CDK12: variants seen among roughly 807,000 people sequenced by gnomAD.
CDK12 encodes cyclin-dependent kinase 12.
Under a neutral mutation model 133.8 loss-of-function variants are expected in CDK12, and 17 were observed. That is an observed-to-expected ratio of 0.13 (90% CI 0.09 to 0.19). The LOEUF (loss-of-function observed/expected upper bound fraction) is 0.19, where lower values mean the gene tolerates loss of function less well. Ranked by LOEUF, CDK12 falls within the 10% of genes least tolerant of loss-of-function variation. The pLI is 1.00. For missense variants in CDK12, 1,508 were observed against 1,818.7 expected (o/e 0.83, Z 3.11); for synonymous variants, 694 against 683.6 (o/e 1.02, Z -0.24).
rs1046426407 is a variant in CDK12 at position 39,524,921 on chromosome 17, A to G, written c.3307+36A>G. The G allele has an allele frequency of 3.8e-6, 6 of 1,563,660 alleles. No individual in the cohort carries two copies. The African/African-American group carries it at 5.5e-5, about 14-fold the overall frequency. ...GAATGGGGCCTTTGTGCTTTTGCTA[A>G]GCGTATTTGGCAGGTTTTGAAGGTC... is the stretch of plus-strand genomic sequence containing the variant. On this transcript the variant is annotated intron_variant, in intron 12 of 13. Coordinates refer to ENST00000447079, the MANE Select transcript of CDK12 (RefSeq NM_016507.4).
chr17:39,507,993 G>A (rs1567753920), intron 6 of CDK12, among the ~76,000 whole-genome samples: 1 of 152,136 alleles, frequency 6.6e-6, no homozygotes, highest in Non-Finnish European at 1.5e-5. Flanking sequence ...ATTTTGGGGA[G>A]CACCTCTTGG....
chr17:39,520,123 T>C, intron 11 of CDK12, 36 bp downstream of exon 11: 1 of 1,611,768 alleles, frequency 6.2e-7, no homozygotes, highest in East Asian at 2.2e-5. Context: ...CCCTAAATCT[T>C]TCCCTGGGCC....
At chr17:39,479,041 G>T (rs995056297) in intron 2 of CDK12, among the ~76,000 whole-genome samples, 3 of 151,976 alleles carry the variant, frequency 2.0e-5, no homozygotes, top group Admixed American at 6.6e-5. Context: ...GGGTGCGGTG[G>T]CTCACACCTG....
At chr17:39,506,371 C>T (rs1427362073) in intron 6 of CDK12, among the ~76,000 whole-genome samples, 3 of 152,000 alleles carry the variant, frequency 2.0e-5, no homozygotes, top group East Asian at 1.9e-4. Flanking sequence ...CATGCCACCA[C>T]GCCTGGCTAA....
intron 13 of CDK12, chr17:39,530,123 C>G (rs928431652): frequency 1.9e-5 from 3 of 154,188 alleles, no homozygotes; most frequent in African/African-American, 7.2e-5. Flanking sequence ...TCAGGTTAAC[C>G]TATGTCATCA....
chr17:39,517,196 A>G (rs2053868020), intron 9 of CDK12, among the ~76,000 whole-genome samples: 1 of 152,162 alleles, frequency 6.6e-6, no homozygotes, highest in Non-Finnish European at 1.5e-5. Context: ...AATCCAAATA[A>G]TGTGGATCAT....
chr17:39,507,315 G>A (rs563311145), intron 6 of CDK12, among the ~76,000 whole-genome samples: 90 of 151,624 alleles, frequency 5.9e-4, no homozygotes, highest in Admixed American at 2.1e-3. Context: ...GGCCGGGCGC[G>A]GTGGCTCATG....
At position 39,495,468 on chromosome 17, in the gene CDK12, A is replaced by G. The variant is rs1598046439; in HGVS notation, c.2419+774A>G. Among the ~76,000 whole-genome samples, 3 of 149,858 alleles carry G rather than the reference A, an allele frequency of 2.0e-5. No individual in the cohort carries two copies. In the East Asian group the frequency reaches 5.9e-4, roughly 29 times the overall value. ...ATGATGCATGTATGCCTTTGGTGGA[A>G]AAACTGAAAATATAGAAGAAGAAGA... On this transcript the variant is annotated intron_variant, in intron 5 of 13. Coordinates refer to ENST00000447079, the MANE Select transcript of CDK12 (RefSeq NM_016507.4).
intron 1 of CDK12, among the ~76,000 whole-genome samples, chr17:39,542,024 T>C (rs190844674): frequency 3.7e-4 from 57 of 152,152 alleles, no homozygotes; most frequent in Admixed American, 1.3e-3. Flanking sequence ...CCCCCAACTT[T>C]AAGATGACCC....
chr17:39,503,299 C>G (rs2052861823), intron 6 of CDK12, among the ~76,000 whole-genome samples: 1 of 152,120 alleles, frequency 6.6e-6, no homozygotes, highest in African/African-American at 2.4e-5. Context: ...TCTCGAACTC[C>G]TGACCTCAAG....
intron 3 of CDK12, chr17:39,564,738 A>G (rs2056512466): frequency 6.6e-6 from 1 of 152,296 alleles, no homozygotes; most frequent in Non-Finnish European, 1.5e-5. Flanking sequence ...AATAACTGAA[A>G]CCCTGTCTTG....
Position 39,490,551 on chromosome 17 carries a change from G to A in CDK12, c.1932-6G>A, listed in dbSNP as rs2051510037. The A allele has an allele frequency of 1.3e-6, 2 of 1,589,854 alleles. No homozygotes were observed. Among genetic ancestry groups the A allele is most frequent in the Non-Finnish European group, 8.6e-7 (1 of 1,167,794 alleles). On this transcript the variant is annotated splice_region_variant and splice_polypyrimidine_tract_variant and intron_variant, in intron 2 of 13. Transcript: ENST00000447079. ...ATTTTGTCATCTCTTCTCATTTATT[G>A]TTTAGTCCAAAAGAAACTCTTCCTT...
intron 13 of CDK12, among the ~76,000 whole-genome samples, chr17:39,526,965 G>T (rs543410093): frequency 2.0e-5 from 3 of 152,172 alleles, no homozygotes; most frequent in Non-Finnish European, 2.9e-5. Context: ...AAGGAAAATG[G>T]GGATAAGTTA....
Position 39,530,618 on chromosome 17 carries a change from A to G in CDK12, c.3775A>G (p.Ile1259Val), listed in dbSNP as rs2054773831. 2.5e-6 allele frequency: 4 copies of G among 1,596,328 alleles called. No homozygotes were observed. The highest frequency in any genetic ancestry group is 8.5e-7 in the Non-Finnish European group (1 of 1,170,258). ...QEEAAACPPH[I>V]LPPEKRPPEP... ...CCCTTCCACAGCATGTCCTCCTCAC[A>G]TTCTTCCACCAGAGAAGAGGCCCCC... The change falls in exon 14 of 14, where the codon ATT (isoleucine) becomes GTT (valine). Residue 1259 changes from isoleucine (I) to valine (V), a missense_variant. Coordinates refer to ENST00000447079, the MANE Select transcript of CDK12 (RefSeq NM_016507.4).
chr17:39,560,745 G>A (rs1454450502), intron 3 of CDK12, among the ~76,000 whole-genome samples: 1 of 152,240 alleles, frequency 6.6e-6, no homozygotes, highest in Non-Finnish European at 1.5e-5. Context: ...CATGTGGGGT[G>A]GCTCATGCCT....
chr17:39,517,688 C>T (rs1567768790), intron 10 of CDK12, 132 bp downstream of exon 10: 10 of 618,962 alleles, frequency 1.6e-5, no homozygotes, highest in South Asian at 9.9e-5. Flanking sequence ...ATTTTAGTTT[C>T]GAACAGTATA....
chr17:39,514,135 A>G (rs1290071649), intron 8 of CDK12, among the ~76,000 whole-genome samples: 1 of 152,068 alleles, frequency 6.6e-6, no homozygotes, highest in Non-Finnish European at 1.5e-5. Flanking sequence ...GGCTCAAGCA[A>G]TCTTCCCACC....
At chr17:39,510,189 G>A (rs955599504) in intron 7 of CDK12, among the ~76,000 whole-genome samples, 2 of 144,914 alleles carry the variant, frequency 1.4e-5, no homozygotes, top group African/African-American at 2.6e-5. Context: ...GCGTGATCTC[G>A]GCTCACTGCA....
intron 8 of CDK12, among the ~76,000 whole-genome samples, chr17:39,513,599 T>G (rs1415224478): frequency 1.3e-5 from 2 of 152,212 alleles, no homozygotes; most frequent in African/African-American, 4.8e-5. Context: ...TATTTCAGTC[T>G]GTGCAGCCTG....
Sources: gnomAD v4.1 joint callset for allele counts (sites outside exome capture counted in the v4.1 genomes callset) on GRCh38, gnomAD v4.1.1 for gene constraint, MANE v1.5 for transcripts, NCBI Gene and HGNC (gene_info 2026-07-23, HGNC 2026-07-21) for gene names.